The following ESR2 variants were observed in gnomAD, a reference collection of about 807,000 sequenced individuals.
ESR2 encodes the protein estrogen receptor 2, also known as estrogen receptor beta.
ESR2 carries 36 observed loss-of-function variants against 49.6 expected under a neutral mutation model. The ratio of observed to expected loss-of-function variants is 0.73; its 90% confidence interval spans 0.56 to 0.96. ESR2 has a LOEUF of 0.96. ESR2 is among the 40% of genes least tolerant of loss of function. ESR2 has a pLI of 0.00. For synonymous variants in ESR2, 320 were observed against 266.1 expected (o/e 1.20, Z -1.97); for missense variants, 714 against 693.0 (o/e 1.03, Z -0.34).
At chr14:64,327,929 G>A (rs973406503) in intron 1 of ESR2, among the ~76,000 whole-genome samples, 13 of 149,928 alleles carry the variant, frequency 8.7e-5, no homozygotes, top group African/African-American at 1.2e-4. Flanking sequence ...TTCTAAGGCC[G>A]GGCACAGTGG....
At chr14:64,228,107 TA>T (rs2098723716), downstream of ESR2, 1 of 1,286,700 alleles carries the variant, frequency 7.8e-7, no homozygotes, top group Admixed American at 3.7e-5. Flanking sequence ...TTGTTCTTTT[TA>T]AGAAGATACA....
intron 1 of ESR2, among the ~76,000 whole-genome samples, chr14:64,292,528 G>A (rs917019058): frequency 6.6e-6 from 1 of 152,154 alleles, no homozygotes; most frequent in Non-Finnish European, 1.5e-5. Flanking sequence ...GCTAGACACT[G>A]AATTATGAAA....
In ESR2 at chr14:64,282,808, T is replaced by A. The variant is rs1257718789; in HGVS notation, c.178A>T (p.Ser60Cys). ...CCACCTTCCAAGTTAGTGACATTGC[T>A]GGGAATGCTGTAATTCATCACAGCA... ...SPAVMNYSIP[S>C]NVTNLEGGPG... The change falls in exon 2 of 9, where the codon AGC (serine) becomes TGC (cysteine). Residue 60 changes from serine (S) to cysteine (C), a missense_variant. Coordinates refer to ENST00000341099, the MANE Select transcript of ESR2 (RefSeq NM_001437.3). 4 of 1,614,206 alleles carry A rather than the reference T, an allele frequency of 2.5e-6. No homozygotes were observed. Among genetic ancestry groups the A allele is most frequent in the Non-Finnish European group, 2.5e-6 (3 of 1,180,026 alleles).
intron 1 of ESR2, among the ~76,000 whole-genome samples, chr14:64,314,892 A>G (rs1385657776): frequency 6.7e-5 from 10 of 150,108 alleles, no homozygotes; most frequent in Admixed American, 6.0e-4. Flanking sequence ...AAAAAAAAAA[A>G]AAAAAAAAAA....
At position 64,229,123 on chromosome 14, in the gene ESR2, T is replaced by A. The variant is rs2098724937; in HGVS notation, c.*4014A>T. ...TGAACCTGAGATGGGACAATGGGAA[T>A]AACAGATTATGCATCTTATTTTTCC... On this transcript the variant is annotated 3_prime_UTR_variant, in exon 9 of 9. Transcript: ENST00000341099. Among the ~76,000 whole-genome samples, 1 of 152,170 alleles carries A rather than the reference T, an allele frequency of 6.6e-6. No individual in the cohort carries two copies. The highest frequency in any genetic ancestry group is 2.4e-5 in the African/African-American group (1 of 41,444).
At chr14:64,273,038 G>C (rs1261325812) in intron 3 of ESR2, among the ~76,000 whole-genome samples, 1 of 151,802 alleles carries the variant, frequency 6.6e-6, no homozygotes, top group African/African-American at 2.4e-5. Flanking sequence ...TCTTTCACCA[G>C]TGTTTTATAG....
At chr14:64,284,952 C>T (rs929044045) in intron 1 of ESR2, among the ~76,000 whole-genome samples, 1 of 151,630 alleles carries the variant, frequency 6.6e-6, no homozygotes, top group Non-Finnish European at 1.5e-5. Context: ...CAGGTTCAAG[C>T]GATTCTTCTG....
intron 6 of ESR2, among the ~76,000 whole-genome samples, chr14:64,256,236 T>A (rs2076092750): frequency 1.3e-5 from 2 of 152,240 alleles, no homozygotes; most frequent in Admixed American, 1.3e-4. Context: ...AGTATTTTTA[T>A]ACAGTCCAGC....
intron 1 of ESR2, among the ~76,000 whole-genome samples, chr14:64,333,736 C>G (rs1038711318): frequency 5.3e-5 from 8 of 152,212 alleles, no homozygotes; most frequent in African/African-American, 1.7e-4. Flanking sequence ...GAAACCACCC[C>G]CCATGATTCA....
chr14:64,279,987 T>C lies in ESR2; in HGVS notation c.529A>G (p.Ile177Val). Residue 177 changes from isoleucine (I) to valine (V), a missense_variant, in exon 3 of 9, where the codon ATT (isoleucine) becomes GTT (valine). Physicochemically the swap from Ile to Val is conservative, Grantham distance 29 (BLOSUM62 3). Transcript: ENST00000341099. The part of the protein sequence containing the change: ...EGCKAFFKRS[I>V]QGHNDYICPA... ...GTTAACAATTCTCTTGTACCTTGAA[T>C]GCTTCTTTTAAAAAAGGCCTTACAT... 6.2e-7 allele frequency: 1 copy of C among 1,613,420 alleles called. No homozygotes were observed. The highest frequency in any genetic ancestry group is 8.5e-7 in the Non-Finnish European group (1 of 1,179,394).
At chr14:64,307,196 A>AT (rs1261131346) in intron 1 of ESR2, among the ~76,000 whole-genome samples, 16 of 150,888 alleles carry the variant, frequency 1.1e-4, no homozygotes, top group East Asian at 3.9e-4. Context: ...TATTAATTTA[A>AT]TTTAATTTAT....
chr14:64,319,910 C>G (rs1284974988), intron 1 of ESR2, among the ~76,000 whole-genome samples: 1 of 151,986 alleles, frequency 6.6e-6, no homozygotes, highest in South Asian at 2.1e-4. Context: ...TACAATAAGA[C>G]TCAGAAATAG....
At chr14:64,278,229 C>G (rs1404432790) in intron 3 of ESR2, among the ~76,000 whole-genome samples, 1 of 152,102 alleles carries the variant, frequency 6.6e-6, no homozygotes, top group African/African-American at 2.4e-5. Flanking sequence ...TATAATCAAC[C>G]TTATTTCATC....
At chr14:64,265,628 T>C (rs1486919921) in intron 4 of ESR2, among the ~76,000 whole-genome samples, 3 of 152,216 alleles carry the variant, frequency 2.0e-5, no homozygotes, top group South Asian at 2.1e-4. Context: ...TATGGGGATA[T>C]AGGCCAAATA....
rs2076922479 is a variant in ESR2, at chr14:64,294,247, G to C, written c.-305C>G. 2 of 152,292 alleles carry C rather than the reference G, an allele frequency of 1.3e-5. No homozygotes were observed. 9.4% of individuals were successfully genotyped at this position (152,292 alleles called of 1,614,324 possible). ...CTCCCCGGCCCAGCGCTCGCCGCCT[G>C]CTCTTCGCCCTGCAAGTTTCAAGAG... On this transcript the variant is annotated 5_prime_UTR_variant, in exon 1 of 9. Coordinates refer to ENST00000341099, the MANE Select transcript of ESR2 (RefSeq NM_001437.3).
intron 4 of ESR2, among the ~76,000 whole-genome samples, chr14:64,262,383 G>A (rs961084284): frequency 6.6e-6 from 1 of 152,090 alleles, no homozygotes; most frequent in African/African-American, 2.4e-5. Context: ...TGAAAGTGCT[G>A]GGATTACAGG....
chr14:64,261,232 C>CTTTCTT lies in ESR2; in HGVS notation c.653-485_653-484insAAGAAA, dbSNP rs1555577156. ...CAGTCTTTTTAATGCTTTTATTTTT[C>CTTTCTT]TTTTTTCTTTTTTTTTTTTTTTTGA... On this transcript the variant is annotated intron_variant, in intron 4 of 8. Coordinates refer to ENST00000341099, the MANE Select transcript of ESR2 (RefSeq NM_001437.3). Among the ~76,000 whole-genome samples the CTTTCTT allele has an allele frequency of 1.9e-3, 166 of 88,646 alleles. 2 individuals are homozygous for CTTTCTT. Among genetic ancestry groups the CTTTCTT allele is most frequent in the African/African-American group, 6.4e-3 (137 of 21,394 alleles). 58.2% of individuals were successfully genotyped at this position (88,646 alleles called of 152,430 possible).
chr14:64,277,984 AAAAG>A (rs991206872), intron 3 of ESR2, among the ~76,000 whole-genome samples: 2 of 152,344 alleles, frequency 1.3e-5, no homozygotes, highest in Non-Finnish European at 2.9e-5. Flanking sequence ...GCAAAAAAAA[AAAAG>A]AAGGATCTCT....
downstream of ESR2, chr14:64,227,223 A>C: frequency 2.6e-6 from 1 of 384,890 alleles, no homozygotes; most frequent in South Asian, 3.5e-5. Flanking sequence ...AGGGGAAACC[A>C]GTGAAGCTCA....
Sources: allele counts gnomAD v4.1 joint callset (sites outside exome capture counted in the v4.1 genomes callset), GRCh38; gene constraint gnomAD v4.1.1; transcripts MANE v1.5; gene names NCBI Gene and HGNC (gene_info 2026-07-23, HGNC 2026-07-21).